SPNS2: variants seen among roughly 807,000 people sequenced by gnomAD.
SPNS2 encodes sphingosine-1-phosphate transporter SPNS2.
A neutral mutation model predicts 57.6 loss-of-function variants in SPNS2; 37 were observed. That is an observed-to-expected ratio of 0.64 (90% CI 0.49 to 0.85). SPNS2 has a LOEUF of 0.85. SPNS2 is among the 40% of genes least tolerant of loss of function. The probability of loss-of-function intolerance (pLI) is 0.00; values close to 1 mark genes in which losing one functional copy is unlikely to be tolerated. For missense variants in SPNS2, 831 were observed against 779.1 expected, an observed-to-expected ratio of 1.07 and a Z score of -0.79; for synonymous variants, 440 against 346.9, an observed-to-expected ratio of 1.27 and a Z score of -2.98.
chr17:4,537,774 G>A lies in SPNS2; in HGVS notation c.*326G>A. ...AGCCTGGCCTGCCACCAGCTTATGT[G>A]ATCTTGGGCAAGTCCCTGCCCTCCC... On this transcript the variant is annotated 3_prime_UTR_variant, in exon 13 of 13. Coordinates refer to ENST00000329078, the MANE Select transcript of SPNS2 (RefSeq NM_001124758.3). 1 of 456,008 alleles carries A rather than the reference G, an allele frequency of 2.2e-6. No homozygotes were observed. The highest frequency in any genetic ancestry group is 4.4e-6 in the Non-Finnish European group (1 of 226,326). The allele number at this position is 456,008 out of a possible 1,614,324, so 28.2% of individuals were successfully genotyped here.
intron 9 of SPNS2, 79 bp downstream of exon 9, chr17:4,533,932 G>GGT: frequency 3.3e-6 from 3 of 916,430 alleles, no homozygotes; most frequent in Non-Finnish European, 5.2e-6. Flanking sequence ...GGGAGGGCGG[G>GGT]TGAAGGGGCG....
In SPNS2 at chr17:4,499,520, T is replaced by C; in HGVS notation, c.370+103T>C. ...AGAGCTTTTGGTCTCAGGCCTGCTA[T>C]CTCCAGGCCCTACGTGAGGTCCCTA... On this transcript the variant is annotated intron_variant, in intron 1 of 12. Coordinates refer to ENST00000329078, the MANE Select transcript of SPNS2 (RefSeq NM_001124758.3). The surrounding 1 kb of genome is among the most constrained non-coding windows in gnomAD (Gnocchi z 5.2). 1.4e-6 allele frequency: 1 copy of C among 696,884 alleles called. No individual in the cohort carries two copies. The highest frequency in any genetic ancestry group is 2.1e-6 in the Non-Finnish European group (1 of 475,612). 43.2% of individuals were successfully genotyped at this position (696,884 alleles called of 1,614,324 possible). A position where few individuals can be genotyped will look rare whatever the true frequency, so the allele number is the denominator to read the frequency against.
intron 2 of SPNS2, among the ~76,000 whole-genome samples, chr17:4,516,240 G>A (rs1412589370): frequency 6.7e-6 from 1 of 148,346 alleles, no homozygotes; most frequent in Non-Finnish European, 1.5e-5. Flanking sequence ...CTTGAAGCCA[G>A]GAGGCGGAGA....
At chr17:4,523,084 G>A (rs11652102) in intron 2 of SPNS2, among the ~76,000 whole-genome samples, 123,362 of 152,192 alleles carry the variant, frequency 0.81, 51,713 homozygotes, top group Non-Finnish European at 0.94. Flanking sequence ...CAATAATTGC[G>A]TGATTTGTTT....
At chr17:4,525,764 C>T (rs754361518) in intron 3 of SPNS2, among the ~76,000 whole-genome samples, 7 of 152,200 alleles carry the variant, frequency 4.6e-5, no homozygotes, top group Non-Finnish European at 1.0e-4. Flanking sequence ...CCTCAGTTTC[C>T]TCATCTTTAA....
chr17:4,534,081 G>T (rs965864572), intron 9 of SPNS2, among the ~76,000 whole-genome samples: 1 of 152,298 alleles, frequency 6.6e-6, no homozygotes. Flanking sequence ...TGGAGACTGA[G>T]GGGGAGGGGG....
chr17:4,530,428 G>C (rs905515974), intron 3 of SPNS2, among the ~76,000 whole-genome samples: 11 of 152,184 alleles, frequency 7.2e-5, no homozygotes, highest in Non-Finnish European at 1.5e-4. Context: ...GCCAGGCCCC[G>C]TCAGACCCAC....
chr17:4,504,427 C>A (rs1270302082), intron 1 of SPNS2, among the ~76,000 whole-genome samples: 1 of 152,078 alleles, frequency 6.6e-6, no homozygotes, highest in East Asian at 1.9e-4. Context: ...AGAGGAAGTG[C>A]TTTGAAACAT....
Position 4,537,956 on chromosome 17 carries a change from T to G in SPNS2, c.*508T>G, listed in dbSNP as rs1905956608. The G allele has an allele frequency of 2.7e-6, 1 of 368,978 alleles. No homozygotes were observed. Among genetic ancestry groups the G allele is most frequent in the Non-Finnish European group, 5.5e-6 (1 of 182,748 alleles). 22.9% of individuals were successfully genotyped at this position (368,978 alleles called of 1,614,324 possible). A position where few individuals can be genotyped will look rare whatever the true frequency, so the allele number is the denominator to read the frequency against. On this transcript the variant is annotated 3_prime_UTR_variant, in exon 13 of 13. Coordinates refer to ENST00000329078, the MANE Select transcript of SPNS2 (RefSeq NM_001124758.3). Reference sequence around the variant, plus strand: ...CGGCTTTGAGGCTCACGCGAGGGCCTGGTATGCAGGGACCACTGCTCAGCT... The same window carrying G: ...CGGCTTTGAGGCTCACGCGAGGGCCGGGTATGCAGGGACCACTGCTCAGCT...
At position 4,512,659 on chromosome 17, in the gene SPNS2, G is replaced by A. The variant is rs1292688716; in HGVS notation, c.371-588G>A. On this transcript the variant is annotated intron_variant, in intron 1 of 12. Coordinates refer to ENST00000329078, the MANE Select transcript of SPNS2 (RefSeq NM_001124758.3). The surrounding 1 kb of genome is among the most constrained non-coding windows in gnomAD (Gnocchi z 5.2). The stretch of plus-strand genomic sequence containing the variant: ...GTGTGTGTGTGCGTGCGCGCGCACG[G>A]GTATGTGTGTGCGCGCGTGGGTGTG... Among the ~76,000 whole-genome samples, 3 of 151,386 alleles carry A rather than the reference G, an allele frequency of 2.0e-5. No individual in the cohort carries two copies. Among genetic ancestry groups the A allele is most frequent in the Admixed American group, 6.6e-5 (1 of 15,218 alleles).
chr17:4,499,254 C>G lies in SPNS2; in HGVS notation c.207C>G (p.Thr69=). The G allele has an allele frequency of 6.8e-7, 1 of 1,472,272 alleles. No homozygotes were observed. Among genetic ancestry groups the G allele is most frequent in the Non-Finnish European group, 8.9e-7 (1 of 1,119,110 alleles). The allele number at this position is 1,472,272 out of a possible 1,614,324, so 91.2% of individuals were successfully genotyped here. A position where few individuals can be genotyped will look rare whatever the true frequency, so the allele number is the denominator to read the frequency against. Residue 69 remains threonine, a synonymous_variant, in exon 1 of 13, where the codon ACC becomes ACG. Coordinates refer to ENST00000329078, the MANE Select transcript of SPNS2 (RefSeq NM_001124758.3). This position sits in a 1 kb window ranked among gnomAD's most constrained non-coding sequence, Gnocchi z 5.2. ...CGGGCAGCGTAAGGCGGGCCCCGAC[C>G]GGACCCCCCGGCACCCCCGGCACCC... is the stretch of plus-strand genomic sequence containing the variant. ...TLSGSVRRAP[T]GPPGTPGTPG...
Position 4,531,127 on chromosome 17 carries a change from C to G in SPNS2, c.792+8C>G. The G allele has an allele frequency of 1.2e-6, 2 of 1,613,846 alleles. No individual in the cohort carries two copies. The highest frequency in any genetic ancestry group is 8.5e-7 in the Non-Finnish European group (1 of 1,179,926). On this transcript the variant is annotated splice_region_variant and intron_variant, in intron 5 of 12. Coordinates refer to ENST00000329078, the MANE Select transcript of SPNS2 (RefSeq NM_001124758.3). ...TGGCACTGGGCATTGCGGGTAAGCC[C>G]TACGTCCCTTCCCATGAGGACACCC...
chr17:4,538,730 T>G lies in SPNS2; in HGVS notation c.*1282T>G. The G allele has an allele frequency of 1.5e-6, 1 of 669,886 alleles. No individual in the cohort carries two copies. Among genetic ancestry groups the G allele is most frequent in the African/African-American group, 1.8e-5 (1 of 55,040 alleles). 41.5% of individuals were successfully genotyped at this position (669,886 alleles called of 1,614,324 possible). A position where few individuals can be genotyped will look rare whatever the true frequency, so the allele number is the denominator to read the frequency against. ...CCTTAGTTACTGGCTGGCTGTGGCT[T>G]CAGTGGTGTGTAAGCAGGTGGAATA... On this transcript the variant is annotated 3_prime_UTR_variant, in exon 13 of 13. Coordinates refer to ENST00000329078, the MANE Select transcript of SPNS2 (RefSeq NM_001124758.3).
intron 2 of SPNS2, among the ~76,000 whole-genome samples, chr17:4,519,313 C>G (rs1258072230): frequency 6.6e-6 from 1 of 152,226 alleles, no homozygotes; most frequent in East Asian, 1.9e-4. Context: ...GTCATACAGG[C>G]CATGTGTGCC....
chr17:4,506,634 G>A (rs1434610789), intron 1 of SPNS2, among the ~76,000 whole-genome samples: 4 of 152,316 alleles, frequency 2.6e-5, no homozygotes, highest in African/African-American at 9.6e-5. Flanking sequence ...GGAGGAGGGG[G>A]ACACTCTGAG....
At chr17:4,533,213 C>T (rs747128774) in intron 7 of SPNS2, 30 bp from the exon 8 acceptor site, 8 of 1,582,952 alleles carry the variant, frequency 5.1e-6, no homozygotes, top group East Asian at 2.3e-5. Flanking sequence ...GCCGCCTCAA[C>T]TCGTGCGCCA....
intron 2 of SPNS2, among the ~76,000 whole-genome samples, chr17:4,518,341 G>A (rs1333927589): frequency 6.6e-6 from 1 of 152,126 alleles, no homozygotes; most frequent in Non-Finnish European, 1.5e-5. Flanking sequence ...TGGCTAACAT[G>A]GTGAAACCCC....
Position 4,525,166 on chromosome 17 carries a change from C to T in SPNS2, c.546C>T (p.Thr182=), listed in dbSNP as rs770935576. 4.3e-6 allele frequency: 7 copies of T among 1,614,022 alleles called. No individual in the cohort carries two copies. Among genetic ancestry groups the T allele is most frequent in the African/African-American group, 1.3e-5 (1 of 74,938 alleles). ...SCGIFFWSAV[T]FSSSFIPQQY... ...GCATTTTCTTCTGGTCGGCCGTCAC[C>T]TTCTCCAGCTCCTTCATTCCCCAGC... The change falls in exon 3 of 13, where the codon ACC becomes ACT. Residue 182 remains threonine (T), a synonymous_variant. Coordinates refer to ENST00000329078, the MANE Select transcript of SPNS2 (RefSeq NM_001124758.3).
At chr17:4,505,604 G>C (rs1475520335) in intron 1 of SPNS2, among the ~76,000 whole-genome samples, 1 of 152,228 alleles carries the variant, frequency 6.6e-6, no homozygotes, top group South Asian at 2.1e-4. Context: ...GCTTTGCCCT[G>C]TCTCTTCTGC....
Sources: gnomAD v4.1 joint callset for allele counts (sites outside exome capture counted in the v4.1 genomes callset) on GRCh38, gnomAD v4.1.1 for gene constraint, Gnocchi (gnomAD v3.1) non-coding constraint, MANE v1.5 for transcripts, NCBI Gene and HGNC (gene_info 2026-07-23, HGNC 2026-07-21) for gene names.